CSMD1: variants seen among roughly 807,000 people sequenced by gnomAD.
CSMD1 encodes CUB and Sushi multiple domains 1.
In CSMD1, 213 loss-of-function variants were observed where a neutral mutation model predicts 417.5. The ratio of observed to expected loss-of-function variants is 0.51; its 90% CI spans 0.46 to 0.57. The LOEUF is 0.57. Ranked by LOEUF, CSMD1 falls within the 20% of genes least tolerant of loss-of-function variation. The pLI is 0.00. For synonymous variants in CSMD1, 2,862 were observed against 1,736.8 expected, an observed-to-expected ratio of 1.65 and a Z score of -16.11; for missense variants, 6,923 against 4,529.7, an observed-to-expected ratio of 1.53 and a Z score of -15.17.
intron 56 of CSMD1, among the ~76,000 whole-genome samples, chr8:2,974,117 G>GGTAGAGGATGATC (rs1804711483): frequency 6.6e-6 from 1 of 150,702 alleles, no homozygotes; most frequent in East Asian, 2.0e-4. Flanking sequence ...AGAGGATGAT[G>GGTAGAGGATGATC]GTAGAGGGAG....
chr8:4,341,182 G>C (rs970152295), intron 3 of CSMD1, among the ~76,000 whole-genome samples: 6 of 151,976 alleles, frequency 3.9e-5, no homozygotes, highest in Non-Finnish European at 7.4e-5. Flanking sequence ...ATCTATATTT[G>C]GGGATTCAAA....
chr8:4,223,063 G>C (rs1000834607), intron 3 of CSMD1, among the ~76,000 whole-genome samples: 1 of 151,922 alleles, frequency 6.6e-6, no homozygotes, highest in African/African-American at 2.4e-5. Context: ...GGACATTGGA[G>C]AGCTGCCTAA....
chr8:3,845,613 A>C (rs1044397752), intron 5 of CSMD1, among the ~76,000 whole-genome samples: 3 of 152,114 alleles, frequency 2.0e-5, no homozygotes, highest in African/African-American at 7.2e-5. Context: ...GGGATCTATA[A>C]ATGCAGTGTA....
At chr8:4,820,752 G>A (rs543763423) in intron 1 of CSMD1, among the ~76,000 whole-genome samples, 1 of 152,132 alleles carries the variant, frequency 6.6e-6, no homozygotes, top group South Asian at 2.1e-4. Context: ...CAGGCATAAA[G>A]ACATTTATTC....
At chr8:3,645,291 G>T (rs1797520551) in intron 7 of CSMD1, among the ~76,000 whole-genome samples, 1 of 152,144 alleles carries the variant, frequency 6.6e-6, no homozygotes, top group South Asian at 2.1e-4. Context: ...ATAACACAAT[G>T]AACACAAATG....
chr8:4,612,306 C>T (rs1243062185), intron 2 of CSMD1, among the ~76,000 whole-genome samples: 1 of 152,072 alleles, frequency 6.6e-6, no homozygotes, highest in Non-Finnish European at 1.5e-5. Flanking sequence ...TACCTTGTTT[C>T]CTTTTTTGAA....
intron 3 of CSMD1, among the ~76,000 whole-genome samples, chr8:4,038,023 A>C (rs1797706265): frequency 6.6e-6 from 1 of 152,152 alleles, no homozygotes; most frequent in South Asian, 2.1e-4. Flanking sequence ...ACACTTGGTA[A>C]AAAGTGTAAA....
At chr8:4,178,987 A>C (rs1026887905) in intron 3 of CSMD1, among the ~76,000 whole-genome samples, 2 of 152,342 alleles carry the variant, frequency 1.3e-5, no homozygotes, top group African/African-American at 4.8e-5. Flanking sequence ...AATATCGTGA[A>C]AATGGCCATA....
chr8:3,031,837 G>T (rs948737355), intron 50 of CSMD1, among the ~76,000 whole-genome samples: 1 of 148,748 alleles, frequency 6.7e-6, no homozygotes, highest in African/African-American at 2.5e-5. Flanking sequence ...ATTATCTTAG[G>T]CTAGTTTGAT....
intron 47 of CSMD1, among the ~76,000 whole-genome samples, chr8:3,095,318 A>AAG (rs1240421184): frequency 6.6e-6 from 1 of 152,148 alleles, no homozygotes; most frequent in African/African-American, 2.4e-5. Flanking sequence ...AATAGGCCTC[A>AAG]AATAGAGTTT....
At chr8:4,480,256 G>C (rs1170256464) in intron 2 of CSMD1, among the ~76,000 whole-genome samples, 2 of 151,310 alleles carry the variant, frequency 1.3e-5, no homozygotes, top group Non-Finnish European at 2.9e-5. Flanking sequence ...GACTTCTCAT[G>C]TCTAGGGTAG....
intron 10 of CSMD1, among the ~76,000 whole-genome samples, chr8:3,553,446 G>C (rs1288158682): frequency 6.6e-6 from 1 of 152,124 alleles, no homozygotes; most frequent in Non-Finnish European, 1.5e-5. Flanking sequence ...CAGTTCCTCA[G>C]TTTCTTCCCT....
intron 3 of CSMD1, among the ~76,000 whole-genome samples, chr8:4,358,826 T>A (rs974823130): frequency 6.6e-6 from 1 of 152,044 alleles, no homozygotes; most frequent in Non-Finnish European, 1.5e-5. Context: ...CACGTAAGAG[T>A]GCCTTGGTTT....
At chr8:4,126,596 C>T (rs1050471854) in intron 3 of CSMD1, among the ~76,000 whole-genome samples, 8 of 152,144 alleles carry the variant, frequency 5.3e-5, no homozygotes, top group Admixed American at 4.6e-4. Flanking sequence ...CTTCTGCTGT[C>T]TTTCATCAAT....
intron 1 of CSMD1, among the ~76,000 whole-genome samples, chr8:4,698,388 G>C (rs1010785427): frequency 6.6e-6 from 1 of 152,064 alleles, no homozygotes; most frequent in Non-Finnish European, 1.5e-5. Context: ...AGAAGGCAAA[G>C]GTTTCTGAGG....
At chr8:4,774,280 G>A (rs751167892) in intron 1 of CSMD1, among the ~76,000 whole-genome samples, 6 of 152,158 alleles carry the variant, frequency 3.9e-5, no homozygotes, top group African/African-American at 4.8e-5. Flanking sequence ...AATTAACAGT[G>A]CAGTTTGAAT....
chr8:4,648,867 G>T (rs1011705639), intron 1 of CSMD1, among the ~76,000 whole-genome samples: 1 of 152,162 alleles, frequency 6.6e-6, no homozygotes, highest in African/African-American at 2.4e-5. Flanking sequence ...ACCCACCACA[G>T]TAACAACGTC....
chr8:4,212,168 C>G (rs577686967), intron 3 of CSMD1, among the ~76,000 whole-genome samples: 1 of 143,702 alleles, frequency 7.0e-6, no homozygotes, highest in Non-Finnish European at 1.5e-5. Context: ...TCTGTCACTT[C>G]CCTATTTATA....
In CSMD1 at chr8:3,369,350, G is replaced by C. The variant is rs1196149329; in HGVS notation, c.2803C>G (p.Gln935Glu). 5 of 1,581,788 alleles carry C rather than the reference G, an allele frequency of 3.2e-6. No individual in the cohort carries two copies. Among genetic ancestry groups the C allele is most frequent in the South Asian group, 2.2e-5 (2 of 89,942 alleles). The change falls in exon 19 of 70, where the codon CAA becomes GAA. Residue 935 changes from glutamine to glutamate, a missense_variant. Gln to Glu is a conservative substitution (Grantham distance 29). Coordinates refer to ENST00000635120, the MANE Select transcript of CSMD1 (RefSeq NM_033225.6). Reference protein sequence around the residue: ...SCDALCGGYIQGKSGTVLSPG... With the variant: ...SCDALCGGYIEGKSGTVLSPG... Reference sequence around the variant, plus strand: ...GAAAGGACTGTTCCACTCTTCCCTTGGATGTAGCCTCCACATAGAGCTTAA... The same window carrying C: ...GAAAGGACTGTTCCACTCTTCCCTTCGATGTAGCCTCCACATAGAGCTTAA...
Sources: gnomAD v4.1 joint callset for allele counts (sites outside exome capture counted in the v4.1 genomes callset) on GRCh38, gnomAD v4.1.1 for gene constraint, MANE v1.5 for transcripts, NCBI Gene and HGNC (gene_info 2026-07-23, HGNC 2026-07-21) for gene names.